Variants in ARAP1 observed in about 807,000 individuals in gnomAD.
ARAP1 encodes the protein ArfGAP with RhoGAP domain, ankyrin repeat and PH domain 1.
A neutral mutation model predicts 172.2 loss-of-function variants in ARAP1; 76 were observed. The ratio of observed to expected loss-of-function variants is 0.44; its 90% CI spans 0.37 to 0.53. The LOEUF (loss-of-function observed/expected upper bound fraction) is 0.53. Among genes scored for constraint, ARAP1 ranks in the 20% least tolerant of loss-of-function variants. The probability of loss-of-function intolerance (pLI) is 0.00; values close to 1 mark genes in which losing one functional copy is unlikely to be tolerated. For synonymous variants in ARAP1, 804 were observed against 803.3 expected (o/e 1.00, Z -0.01); for missense variants, 1,686 against 1,977.5 (o/e 0.85, Z 2.80).
At position 72,726,771 on chromosome 11, in the gene ARAP1, G is replaced by C; in HGVS notation, c.358C>G (p.Arg120Gly). The C allele has an allele frequency of 6.5e-7, 1 of 1,549,222 alleles. No individual in the cohort carries two copies. Among genetic ancestry groups the C allele is most frequent in the Non-Finnish European group, 8.7e-7 (1 of 1,146,438 alleles). ...CAGGTGGGCGGAAGGCAGCTCCTCC[G>C]GGGCGGGATGGGTGGGGCAGCGGGG... Reference protein sequence around the residue: ...GLPAAPPIPPRRSCLPPTCFT... With the variant: ...GLPAAPPIPPGRSCLPPTCFT... Residue 120 changes from arginine (R) to glycine (G), a missense_variant, in exon 3 of 35, where the codon CGG (arginine) becomes GGG (glycine). Arg to Gly is a moderately radical substitution (Grantham distance 125, BLOSUM62 -2). Coordinates refer to ENST00000393609, the MANE Select transcript of ARAP1 (RefSeq NM_001040118.3). The surrounding 1 kb of genome is among the most constrained non-coding windows in gnomAD (Gnocchi z 6.5).
chr11:72,695,740 TTAATGAGGTCTTCCACCACACGG>T lies in ARAP1; in HGVS notation c.3375_3397del (p.Arg1126ProfsTer7). On this transcript the variant is annotated frameshift_variant, in exon 24 of 35. Transcript: ENST00000393609. LOFTEE classifies it high-confidence loss of function. This position sits in a 1 kb window ranked among gnomAD's most constrained non-coding sequence, Gnocchi z 4.4. Reference sequence around the variant, plus strand: ...CACACTAAACACCACCACATAGTGGTTAATGAGGTCTTCCACCACACGGCCAGCCTTGTAGTCCTGCCCATCTG... The same window carrying T: ...CACACTAAACACCACCACATAGTGGTCCAGCCTTGTAGTCCTGCCCATCTG... 1 of 1,614,162 alleles carries T rather than the reference TTAATGAGGTCTTCCACCACACGG, an allele frequency of 6.2e-7. No individual in the cohort carries two copies. Among genetic ancestry groups the T allele is most frequent in the Non-Finnish European group, 8.5e-7 (1 of 1,180,010 alleles).
At chr11:72,716,970 C>T (rs1049871621) in intron 3 of ARAP1, among the ~76,000 whole-genome samples, 3 of 152,200 alleles carry the variant, frequency 2.0e-5, no homozygotes, top group Admixed American at 6.5e-5. Flanking sequence ...CTGCACCAGG[C>T]CGTCTCCCCT....
intron 3 of ARAP1, among the ~76,000 whole-genome samples, chr11:72,717,687 C>T (rs909080650): frequency 1.3e-5 from 2 of 152,194 alleles, no homozygotes; most frequent in African/African-American, 4.8e-5. Flanking sequence ...TGTGTGTATG[C>T]GTGTCTACAT....
Position 72,710,930 on chromosome 11 carries a change from T to C in ARAP1, c.1213+91A>G, listed in dbSNP as rs1591205376. ...CCCGGATGTGATGTGAGAGGGCAGA[T>C]GCACCATGACTCTCTTCCCCCTCCT... On this transcript the variant is annotated intron_variant, in intron 9 of 34. Transcript: ENST00000393609. This position sits in a 1 kb window ranked among gnomAD's most constrained non-coding sequence, Gnocchi z 4.3. 5.7e-6 allele frequency: 9 copies of C among 1,582,710 alleles called. No individual in the cohort carries two copies. The East Asian group carries it at 2.0e-4, about 36-fold the overall frequency.
Position 72,704,193 on chromosome 11 carries a change from G to A in ARAP1, c.1951C>T (p.Arg651Cys), listed in dbSNP as rs200023050. 2.5e-5 allele frequency: 40 copies of A among 1,614,040 alleles called. No individual in the cohort carries two copies. The highest frequency in any genetic ancestry group is 1.3e-4 in the East Asian group (6 of 44,876). Residue 651 changes from arginine to cysteine, a missense_variant, in exon 14 of 35, where the codon CGC becomes TGC. Around this residue, in one of 5 missense-constraint regions of ARAP1, gnomAD observed 688 missense variants for 856.9 expected, o/e 0.80. Coordinates refer to ENST00000393609, the MANE Select transcript of ARAP1 (RefSeq NM_001040118.3). ...TGGTTGCCAAAGAGCGGGTGGTAGC[G>A]GCGGTACTTGCCCTCACGGTACTTG... is the stretch of plus-strand genomic sequence containing the variant. Reference protein sequence around the residue: ...EAKYREGKYRRYHPLFGNQEE... With the variant: ...EAKYREGKYRCYHPLFGNQEE...
In ARAP1 at chr11:72,693,340, G is replaced by C; in HGVS notation, c.3939C>G (p.Leu1313=). 2.5e-6 allele frequency: 4 copies of C among 1,613,868 alleles called. No homozygotes were observed. The highest frequency in any genetic ancestry group is 3.4e-6 in the Non-Finnish European group (4 of 1,179,810). Residue 1313 remains leucine (L), a synonymous_variant, in exon 29 of 35, where the codon CTC becomes CTG. Transcript: ENST00000393609. This position sits in a 1 kb window ranked among gnomAD's most constrained non-coding sequence, Gnocchi z 4.6. ...YFILNSSCLR[L]YKEVRSQRPW... ...GGCCACTTACCCGGACCTCCTTGTA[G>C]AGCCGCAAGCAGCTGCTGTTGAGGA... is the stretch of plus-strand genomic sequence containing the variant.
At chr11:72,703,217 T>C (rs570509554) in intron 14 of ARAP1, 138 bp from the exon 15 acceptor site, 1 of 850,100 alleles carries the variant, frequency 1.2e-6, no homozygotes, top group South Asian at 2.1e-5. Flanking sequence ...AAAGAGAGAA[T>C]AGGAAGGAAG....
intron 13 of ARAP1, chr11:72,705,589 A>C: frequency 4.2e-6 from 2 of 474,516 alleles, no homozygotes; most frequent in South Asian, 4.2e-5. Context: ...AAAAAATAAC[A>C]CTTTACAACT....
At chr11:72,686,321 C>G in intron 33 of ARAP1, 130 bp from the exon 34 acceptor site, 1 of 1,238,770 alleles carries the variant, frequency 8.1e-7, no homozygotes, top group East Asian at 2.6e-5. Flanking sequence ...TTGATCCCCG[C>G]CGATATGAGA....
intron 1 of ARAP1, among the ~76,000 whole-genome samples, chr11:72,736,239 C>CTT (rs61233618): frequency 0.13 from 17,158 of 132,258 alleles, 1,517 homozygotes; most frequent in African/African-American, 0.23. Context: ...TTTTAGTTAC[C>CTT]TTTTTTTTTT....
In ARAP1 at chr11:72,699,538, A is replaced by G. The variant is rs1856378669; in HGVS notation, c.2317T>C (p.Trp773Arg). Residue 773 changes from tryptophan (W) to arginine (R), a missense_variant, in exon 17 of 35, where the codon TGG (tryptophan) becomes CGG (arginine). Physicochemically the swap from Trp to Arg is moderately radical, Grantham distance 101. Around this residue, in one of 5 missense-constraint regions of ARAP1, gnomAD observed 688 missense variants for 856.9 expected, o/e 0.80. Transcript: ENST00000393609. The surrounding 1 kb of genome is among the most constrained non-coding windows in gnomAD (Gnocchi z 4.2). The stretch of plus-strand genomic sequence containing the variant: ...AGGACCCCGTCACCAAGGACACACC[A>G]GCGCCGGCTGAACTCTGGGGAGAAT... ...RRAREEFSRR[W>R]CVLGDGVLSY... 1.2e-6 allele frequency: 2 copies of G among 1,612,910 alleles called. No individual in the cohort carries two copies. Among genetic ancestry groups the G allele is most frequent in the African/African-American group, 1.3e-5 (1 of 74,892 alleles).
chr11:72,693,244 CT>C lies in ARAP1; in HGVS notation c.3954+80del. The C allele has an allele frequency of 3.2e-6, 5 of 1,546,634 alleles. No homozygotes were observed. The South Asian group carries it at 6.0e-5, about 19-fold the overall frequency. On this transcript the variant is annotated intron_variant, in intron 29 of 34. Coordinates refer to ENST00000393609, the MANE Select transcript of ARAP1 (RefSeq NM_001040118.3). This position sits in a 1 kb window ranked among gnomAD's most constrained non-coding sequence, Gnocchi z 4.6. ...AGAGCCTGTAACGGGAATATTTCCA[CT>C]TGCAGACCAAGGGGAATCTCTGAGC...
chr11:72,696,618 C>T lies in ARAP1; in HGVS notation c.3203G>A (p.Arg1068Gln), dbSNP rs142926718. ...EDEEEKVSRYRELLVRLPPVN... is the reference protein window; with the variant it reads ...EDEEEKVSRYQELLVRLPPVN... ...AGGGGGCAGCCGCACCAGCAGCTCT[C>T]GGTACCTGGAGACCTTCTCCTCCTC... The change falls in exon 23 of 35, where the codon CGA becomes CAA. Residue 1068 changes from arginine (R) to glutamine (Q), a missense_variant. Arg to Gln is a conservative substitution (Grantham distance 43). Around this residue, in one of 5 missense-constraint regions of ARAP1, gnomAD observed 274 missense variants for 262.7 expected, o/e 1.04. Coordinates refer to ENST00000393609, the MANE Select transcript of ARAP1 (RefSeq NM_001040118.3). The T allele has an allele frequency of 2.5e-4, 394 of 1,605,596 alleles. No individual in the cohort carries two copies. The highest frequency in any genetic ancestry group is 3.2e-4 in the Non-Finnish European group (371 of 1,174,788).
At position 72,692,971 on chromosome 11, in the gene ARAP1, G is replaced by A. The variant is rs116195852; in HGVS notation, c.3955-186C>T. On this transcript the variant is annotated intron_variant, in intron 29 of 34. Transcript: ENST00000393609. ...AGAATGAGGGAGAAGGGTGGCCCGGGAGGCATATGACATACGATATGACAA... is the reference window on the plus strand; with the variant it reads ...AGAATGAGGGAGAAGGGTGGCCCGGAAGGCATATGACATACGATATGACAA... 1,036 of 743,864 alleles carry A rather than the reference G, an allele frequency of 1.4e-3. 14 individuals carry two copies. The African/African-American group carries it at 0.016, about 12-fold the overall frequency. The allele number at this position is 743,864 out of a possible 1,614,324, so 46.1% of individuals were successfully genotyped here.
At chr11:72,688,921 C>A in intron 30 of ARAP1, 1 of 197,880 alleles carries the variant, frequency 5.1e-6, no homozygotes, top group Admixed American at 5.5e-5. Flanking sequence ...TCCCCCAGCA[C>A]CAAACTGGAA....
chr11:72,686,998 T>C (rs1389027107), intron 33 of ARAP1, among the ~76,000 whole-genome samples: 1 of 152,242 alleles, frequency 6.6e-6, no homozygotes, highest in Non-Finnish European at 1.5e-5. Flanking sequence ...CATTCCACTG[T>C]AACAATCTGT....
At chr11:72,727,238 C>A (rs1591232512) in intron 2 of ARAP1, 66 bp from the exon 3 acceptor site, 3 of 1,319,922 alleles carry the variant, frequency 2.3e-6, no homozygotes, top group South Asian at 3.0e-5. Context: ...TCACCAGCAG[C>A]CTGCATGGCT....
At chr11:72,719,290 AC>A (rs147553485) in intron 3 of ARAP1, among the ~76,000 whole-genome samples, 1,783 of 152,312 alleles carry the variant, frequency 0.012, 35 homozygotes, top group African/African-American at 0.041. Flanking sequence ...CATTGTATAA[AC>A]CACAAACACT....
In ARAP1 at chr11:72,710,375, C is replaced by T; in HGVS notation, c.1416+10G>A. ...ATGGGCAGGGGAGAGGTTCCATGAC[C>T]CCTTAGCACCTCTAGATTCTTGTAG... On this transcript the variant is annotated intron_variant, in intron 10 of 34. Coordinates refer to ENST00000393609, the MANE Select transcript of ARAP1 (RefSeq NM_001040118.3). The surrounding 1 kb of genome is among the most constrained non-coding windows in gnomAD (Gnocchi z 4.3). 4 of 1,613,586 alleles carry T rather than the reference C, an allele frequency of 2.5e-6. No homozygotes were observed. Among genetic ancestry groups the T allele is most frequent in the African/African-American group, 1.3e-5 (1 of 74,988 alleles).
Sources: allele counts gnomAD v4.1 joint callset (sites outside exome capture counted in the v4.1 genomes callset), GRCh38; gene constraint gnomAD v4.1.1; regional missense constraint gnomAD v4.1.1; non-coding constraint Gnocchi (gnomAD v3.1); transcripts MANE v1.5; gene names NCBI Gene and HGNC (gene_info 2026-07-23, HGNC 2026-07-21).